The following EYA4 variants were observed in gnomAD, a reference collection of about 807,000 sequenced individuals.
EYA4 encodes EYA transcriptional coactivator and phosphatase 4.
EYA4 carries 31 observed loss-of-function variants against 87.9 expected under a neutral mutation model. That is an observed-to-expected ratio of 0.35 (90% confidence interval 0.27 to 0.48). EYA4 has a LOEUF of 0.48. Ranked by LOEUF, EYA4 falls within the 20% of genes least tolerant of loss-of-function variation. The probability of loss-of-function intolerance (pLI) is 0.99; values close to 1 mark genes in which losing one functional copy is unlikely to be tolerated. For missense variants in EYA4, 678 were observed against 761.4 expected, an observed-to-expected ratio of 0.89 and a Z score of 1.29; for synonymous variants, 263 against 270.6, an observed-to-expected ratio of 0.97 and a Z score of 0.28.
intron 3 of EYA4, among the ~76,000 whole-genome samples, chr6:133,412,520 G>A (rs1789332307): frequency 2.0e-5 from 3 of 152,094 alleles, no homozygotes; most frequent in African/African-American, 7.2e-5. Flanking sequence ...TGTAATGTAT[G>A]TATTTTTTGT....
intron 9 of EYA4, among the ~76,000 whole-genome samples, chr6:133,463,491 G>T (rs557344568): frequency 6.6e-6 from 1 of 151,632 alleles, no homozygotes; most frequent in Non-Finnish European, 1.5e-5. Flanking sequence ...CTCCTGAGTA[G>T]CTGGGATTAC....
chr6:133,513,512 C>A (rs528309494), intron 16 of EYA4, among the ~76,000 whole-genome samples: 29 of 152,078 alleles, frequency 1.9e-4, no homozygotes, highest in Non-Finnish European at 4.1e-4. Flanking sequence ...TTTATTTTAT[C>A]TTTTAAAAAA....
Position 133,525,205 on chromosome 6 carries a change from T to C in EYA4, c.1790T>C (p.Val597Ala), listed in dbSNP as rs1342058204. The C allele has an allele frequency of 5.6e-6, 9 of 1,613,568 alleles. No homozygotes were observed. The highest frequency in any genetic ancestry group is 7.6e-6 in the Non-Finnish European group (9 of 1,179,772). ...ATGCAAAGGTTTGGCAGAAAAGTAG[T>C]GTATGTTGTAATTGGGGATGGTGTA... ...RIMQRFGRKV[V>A]YVVIGDGVEE... The change falls in exon 19 of 20, where the codon GTG (valine) becomes GCG (alanine). Residue 597 changes from valine (V) to alanine (A), a missense_variant. By Grantham distance (64) the Val-to-Ala change is moderately conservative (BLOSUM62 0). Transcript: ENST00000355286.
At chr6:133,491,951 C>CAAAAAA (rs34316449) in intron 13 of EYA4, among the ~76,000 whole-genome samples, 3 of 83,720 alleles carry the variant, frequency 3.6e-5, no homozygotes, top group African/African-American at 9.4e-5. Context: ...AACTCCGTCT[C>CAAAAAA]AAAAAAAAAA....
chr6:133,295,274 A>G (rs1425401098), intron 2 of EYA4, among the ~76,000 whole-genome samples: 1 of 152,194 alleles, frequency 6.6e-6, no homozygotes, highest in Non-Finnish European at 1.5e-5. Context: ...GATAAGTGAA[A>G]TCATCGATTA....
intron 2 of EYA4, among the ~76,000 whole-genome samples, chr6:133,336,957 G>A (rs1163734461): frequency 1.4e-5 from 2 of 147,958 alleles, no homozygotes; most frequent in Non-Finnish European, 3.0e-5. Context: ...GCATCTGGCC[G>A]AAAACAGTTT....
chr6:133,378,939 G>A (rs1314489508), intron 2 of EYA4, among the ~76,000 whole-genome samples: 1 of 150,960 alleles, frequency 6.6e-6, no homozygotes, highest in African/African-American at 2.4e-5. Context: ...GTGTGTGTGT[G>A]TGTGTGTGTG....
At chr6:133,390,232 T>A (rs1787137104) in intron 3 of EYA4, among the ~76,000 whole-genome samples, 2 of 116,952 alleles carry the variant, frequency 1.7e-5, no homozygotes, top group Admixed American at 1.8e-4. Context: ...TTTATTTTTA[T>A]TTTTTGAGAC....
At chr6:133,439,678 AGG>A (rs1370269643) in intron 3 of EYA4, among the ~76,000 whole-genome samples, 1 of 152,214 alleles carries the variant, frequency 6.6e-6, no homozygotes, top group Admixed American at 6.5e-5. Context: ...CTTAGTGCCC[AGG>A]GGTCACTATT....
At chr6:133,480,553 G>A (rs990879354) in intron 11 of EYA4, among the ~76,000 whole-genome samples, 84 of 152,198 alleles carry the variant, frequency 5.5e-4, no homozygotes, top group African/African-American at 1.9e-3. Context: ...ACATTTCAAA[G>A]ACTTAGTATG....
At chr6:133,384,820 G>C (rs758209327) in intron 3 of EYA4, among the ~76,000 whole-genome samples, 9 of 151,960 alleles carry the variant, frequency 5.9e-5, no homozygotes, top group African/African-American at 2.2e-4. Flanking sequence ...AAGAGCACTC[G>C]ACACAAAAAG....
chr6:133,326,577 G>A (rs547201668), intron 2 of EYA4, among the ~76,000 whole-genome samples: 64 of 152,182 alleles, frequency 4.2e-4, no homozygotes, highest in Non-Finnish European at 4.7e-4. Flanking sequence ...AGTTATCAGC[G>A]TTACTATTGT....
chr6:133,296,344 C>T (rs1778943370), intron 2 of EYA4, among the ~76,000 whole-genome samples: 1 of 152,152 alleles, frequency 6.6e-6, no homozygotes, highest in Non-Finnish European at 1.5e-5. Context: ...CACTGGAAGG[C>T]TTTGGGCAAA....
At chr6:133,333,790 T>C (rs1238082372) in intron 2 of EYA4, among the ~76,000 whole-genome samples, 1 of 152,170 alleles carries the variant, frequency 6.6e-6, no homozygotes, top group Non-Finnish European at 1.5e-5. Context: ...GGAAAATAAG[T>C]AACATGATCA....
chr6:133,477,829 C>T (rs1450575858), intron 11 of EYA4, among the ~76,000 whole-genome samples: 1 of 149,054 alleles, frequency 6.7e-6, no homozygotes, highest in Non-Finnish European at 1.5e-5. Flanking sequence ...CACACACACA[C>T]ACACGCATAT....
At chr6:133,381,194 T>C (rs1272306902) in intron 2 of EYA4, among the ~76,000 whole-genome samples, 1 of 151,400 alleles carries the variant, frequency 6.6e-6, no homozygotes, top group Non-Finnish European at 1.5e-5. Flanking sequence ...TTTATTTTCA[T>C]ATTGTGTAAG....
In EYA4 at chr6:133,382,446, A is replaced by G. The variant is rs1060502995; in HGVS notation, c.83+5A>G. ...TTCACAATCTCAGAATTCCAGGTACAGTAAAATAAAGACCAAGACTCCCCT... is the reference window on the plus strand; with the variant it reads ...TTCACAATCTCAGAATTCCAGGTACGGTAAAATAAAGACCAAGACTCCCCT... On this transcript the variant is annotated splice_donor_5th_base_variant and intron_variant, in intron 3 of 19. Transcript: ENST00000355286. 22 of 1,602,292 alleles carry G rather than the reference A, an allele frequency of 1.4e-5. No individual in the cohort carries two copies. The highest frequency in any genetic ancestry group is 2.2e-5 in the East Asian group (1 of 44,780).
chr6:133,461,168 T>A lies in EYA4; in HGVS notation c.425T>A (p.Leu142Gln), dbSNP rs755994941. 1 of 1,612,294 alleles carries A rather than the reference T, an allele frequency of 6.2e-7. No individual in the cohort carries two copies. The highest frequency in any genetic ancestry group is 8.5e-7 in the Non-Finnish European group (1 of 1,178,408). Residue 142 changes from leucine to glutamine, a missense_variant, in exon 7 of 20, where the codon CTG becomes CAG. Leu to Gln is a moderately radical substitution (Grantham distance 113). Transcript: ENST00000355286. ...PRSAHQYSPQ[L>Q]YPSKPYPHIL... The stretch of plus-strand genomic sequence containing the variant: ...TCAGCACATCAGTATTCCCCACAGC[T>A]GTATCCTTCCAAGTAAGTGGTCAGT...
intron 3 of EYA4, among the ~76,000 whole-genome samples, chr6:133,398,510 AT>A (rs1003265593): frequency 6.6e-6 from 1 of 151,876 alleles, no homozygotes; most frequent in South Asian, 2.1e-4. Flanking sequence ...TTCAGCTGCT[AT>A]TTTTTTTCCT....
Sources: gnomAD v4.1 joint callset for allele counts (sites outside exome capture counted in the v4.1 genomes callset) on GRCh38, gnomAD v4.1.1 for gene constraint, MANE v1.5 for transcripts, NCBI Gene and HGNC (gene_info 2026-07-23, HGNC 2026-07-21) for gene names.